The following UBE2G1 variants were observed in gnomAD, a reference collection of about 807,000 sequenced individuals.
UBE2G1 encodes the protein ubiquitin conjugating enzyme E2 G1, also known as ubiquitin-conjugating enzyme E2 G1.
Under a neutral mutation model 22.7 loss-of-function variants are expected in UBE2G1, and 5 were observed. That is an observed-to-expected ratio of 0.22 (90% CI 0.12 to 0.46). The LOEUF (loss-of-function observed/expected upper bound fraction) is 0.46, where lower values mean the gene tolerates loss of function less well. Ranked by LOEUF, UBE2G1 falls within the 20% of genes least tolerant of loss-of-function variation. The pLI is 0.99. For missense variants in UBE2G1, 88 were observed against 203.9 expected, an observed-to-expected ratio of 0.43 and a Z score of 3.46; for synonymous variants, 74 against 67.5, an observed-to-expected ratio of 1.10 and a Z score of -0.47.
At chr17:4,363,795 A>T (rs1461844910) in intron 1 of UBE2G1, among the ~76,000 whole-genome samples, 1 of 151,594 alleles carries the variant, frequency 6.6e-6, no homozygotes, top group Non-Finnish European at 1.5e-5. Context: ...TACTGAAAAT[A>T]CAAAAAATTA....
At chr17:4,361,728 C>G (rs919295740) in intron 1 of UBE2G1, among the ~76,000 whole-genome samples, 3 of 151,744 alleles carry the variant, frequency 2.0e-5, no homozygotes, top group African/African-American at 7.3e-5. Context: ...CACCTGAGAT[C>G]AGGAGTTCAA....
Position 4,270,572 on chromosome 17 carries a change from A to T in UBE2G1, c.*1982T>A, listed in dbSNP as rs759504883. The T allele has an allele frequency of 1.3e-5, 2 of 151,828 alleles. No individual in the cohort carries two copies. Among genetic ancestry groups the T allele is most frequent in the Non-Finnish European group, 1.5e-5 (1 of 68,016 alleles). The allele number at this position is 151,828 out of a possible 1,614,324, so 9.4% of individuals were successfully genotyped here. On this transcript the variant is annotated 3_prime_UTR_variant, in exon 6 of 6. Transcript: ENST00000396981. ...CTTAAAAAAAAAAAAAAAAAAGTAA[A>T]AAGGATTGTATTCCAAGTCCCTGGA...
At chr17:4,330,501 G>T (rs1019591453) in intron 1 of UBE2G1, among the ~76,000 whole-genome samples, 2 of 152,064 alleles carry the variant, frequency 1.3e-5, no homozygotes, top group Admixed American at 1.3e-4. Flanking sequence ...ACTTTGGGAG[G>T]CCAAGGTGGG....
At chr17:4,318,334 G>A (rs1269989023) in intron 1 of UBE2G1, among the ~76,000 whole-genome samples, 1 of 152,020 alleles carries the variant, frequency 6.6e-6, no homozygotes, top group African/African-American at 2.4e-5. Context: ...CAAACCTCAC[G>A]CCCAACTATG....
At chr17:4,311,271 A>T (rs1276229868) in intron 1 of UBE2G1, among the ~76,000 whole-genome samples, 1 of 152,132 alleles carries the variant, frequency 6.6e-6, no homozygotes, top group Non-Finnish European at 1.5e-5. Flanking sequence ...ATGACATATG[A>T]TTAAAAAGTT....
At chr17:4,310,509 G>A (rs1274212053) in intron 1 of UBE2G1, among the ~76,000 whole-genome samples, 1 of 152,172 alleles carries the variant, frequency 6.6e-6, no homozygotes, top group African/African-American at 2.4e-5. Context: ...ACTTGAAATA[G>A]GGCAATCAGT....
At chr17:4,340,177 T>A (rs1567527346) in intron 1 of UBE2G1, among the ~76,000 whole-genome samples, 1 of 152,196 alleles carries the variant, frequency 6.6e-6, no homozygotes, top group Non-Finnish European at 1.5e-5. Context: ...TACCTTGGCC[T>A]CCCAAAATGT....
intron 1 of UBE2G1, among the ~76,000 whole-genome samples, chr17:4,322,692 T>C (rs1438578266): frequency 6.6e-6 from 1 of 152,142 alleles, no homozygotes; most frequent in Admixed American, 6.5e-5. Flanking sequence ...TTGGAAGTAA[T>C]GCATTTATTT....
chr17:4,283,034 CATT>C (rs1483364913), intron 4 of UBE2G1, 113 bp from the exon 5 acceptor site: 5 of 881,980 alleles, frequency 5.7e-6, no homozygotes, highest in African/African-American at 3.4e-5. Flanking sequence ...ACTTCAGAAA[CATT>C]ATAGAGTTGA....
intron 3 of UBE2G1, among the ~76,000 whole-genome samples, chr17:4,294,311 G>C (rs1321259759): frequency 4.6e-5 from 7 of 151,756 alleles, no homozygotes; most frequent in Non-Finnish European, 1.0e-4. Flanking sequence ...AGCTACTCAG[G>C]AGGCTGAGGC....
intron 2 of UBE2G1, among the ~76,000 whole-genome samples, 154 bp downstream of exon 2, chr17:4,306,867 G>A (rs77200406): frequency 0.058 from 8,761 of 152,062 alleles, 312 homozygotes; most frequent in Non-Finnish European, 0.089. Flanking sequence ...GGCCAGGCTG[G>A]TCTCGAACTC....
At chr17:4,353,812 ATTTTTT>A (rs11437680) in intron 1 of UBE2G1, among the ~76,000 whole-genome samples, 13 of 104,830 alleles carry the variant, frequency 1.2e-4, no homozygotes, top group African/African-American at 4.1e-4. Flanking sequence ...GCCCGGTCAA[ATTTTTT>A]TTTTTTTTTT....
rs756090356 is a variant in UBE2G1, at chr17:4,366,353, C to T, written c.-37G>A. Reference sequence around the variant, plus strand: ...AGGGCCCGGGCTGGCGCCGGGGCTTCCGAAGGGCTGGGGACAGGCTCTGGG... The same window carrying T: ...AGGGCCCGGGCTGGCGCCGGGGCTTTCGAAGGGCTGGGGACAGGCTCTGGG... On this transcript the variant is annotated 5_prime_UTR_variant, in exon 1 of 6. Transcript: ENST00000396981. 2 of 1,518,324 alleles carry T rather than the reference C, an allele frequency of 1.3e-6. No individual in the cohort carries two copies. Among genetic ancestry groups the T allele is most frequent in the Non-Finnish European group, 1.8e-6 (2 of 1,141,968 alleles). 94.1% of individuals were successfully genotyped at this position (1,518,324 alleles called of 1,614,324 possible). A position where few individuals can be genotyped will look rare whatever the true frequency, so the allele number is the denominator to read the frequency against.
chr17:4,317,011 G>A (rs1207133319), intron 1 of UBE2G1, among the ~76,000 whole-genome samples: 1 of 151,950 alleles, frequency 6.6e-6, no homozygotes, highest in Admixed American at 6.5e-5. Flanking sequence ...GGCCGAGGCA[G>A]GAGGATCGCT....
At chr17:4,288,372 G>A (rs1968995157) in intron 4 of UBE2G1, among the ~76,000 whole-genome samples, 1 of 151,908 alleles carries the variant, frequency 6.6e-6, no homozygotes, top group South Asian at 2.1e-4. Flanking sequence ...GACTATAGGC[G>A]CCCGCCACCA....
At chr17:4,352,566 G>A (rs879584453) in intron 1 of UBE2G1, among the ~76,000 whole-genome samples, 1 of 152,208 alleles carries the variant, frequency 6.6e-6, no homozygotes, top group Admixed American at 6.6e-5. Context: ...AGAGATGTGG[G>A]AGGAAAAGCC....
chr17:4,323,013 G>A (rs2143763405), intron 1 of UBE2G1, among the ~76,000 whole-genome samples: 1 of 152,292 alleles, frequency 6.6e-6, no homozygotes, highest in Non-Finnish European at 1.5e-5. Context: ...GTACATAAAT[G>A]CATAACATTA....
At chr17:4,362,893 T>C (rs577576987) in intron 1 of UBE2G1, among the ~76,000 whole-genome samples, 13 of 152,068 alleles carry the variant, frequency 8.5e-5, no homozygotes, top group African/African-American at 2.4e-4. Context: ...GAGGCCGAGG[T>C]GGGTGGATCA....
intron 1 of UBE2G1, among the ~76,000 whole-genome samples, chr17:4,345,147 AG>A (rs1969754976): frequency 6.6e-6 from 1 of 152,224 alleles, no homozygotes; most frequent in African/African-American, 2.4e-5. Flanking sequence ...CAGAAATACA[AG>A]GAAGTCCAAG....
Sources: gnomAD v4.1 joint callset for allele counts (sites outside exome capture counted in the v4.1 genomes callset) on GRCh38, gnomAD v4.1.1 for gene constraint, MANE v1.5 for transcripts, NCBI Gene and HGNC (gene_info 2026-07-23, HGNC 2026-07-21) for gene names.